CADPS: variants seen among roughly 807,000 people sequenced by gnomAD.
CADPS encodes calcium dependent secretion activator, also known as calcium-dependent secretion activator 1.
CADPS carries 57 observed loss-of-function variants against 167.3 expected under a neutral mutation model. The observed-to-expected ratio is 0.34, with a 90% confidence interval of 0.28 to 0.42. CADPS has a LOEUF of 0.42. Among genes scored for constraint, CADPS ranks in the 20% least tolerant of loss-of-function variants. The pLI is 1.00. For synonymous variants in CADPS, 676 were observed against 635.3 expected (o/e 1.06, Z -0.96); for missense variants, 1,414 against 1,738.1 (o/e 0.81, Z 3.32).
chr3:62,515,503 TAAC>T (rs1425005932), intron 16 of CADPS, among the ~76,000 whole-genome samples: 1 of 151,878 alleles, frequency 6.6e-6, no homozygotes, highest in Non-Finnish European at 1.5e-5. Context: ...AGGTCTGGAG[TAAC>T]AAGAATGAAT....
Position 62,512,849 on chromosome 3 carries a change from A to C in CADPS, c.2582-81T>G, listed in dbSNP as rs190630410. On this transcript the variant is annotated intron_variant, in intron 16 of 29. Transcript: ENST00000383710. ...TGCAGAATTAATGAGCAAGTGGACCAAAATGCCCCCCACTTATGTGTGATA... is the reference window on the plus strand; with the variant it reads ...TGCAGAATTAATGAGCAAGTGGACCCAAATGCCCCCCACTTATGTGTGATA... 1.1e-4 allele frequency: 133 copies of C among 1,190,516 alleles called. 1 individual carries two copies. In the East Asian group the frequency reaches 3.2e-3, roughly 29 times the overall value. 73.7% of individuals were successfully genotyped at this position (1,190,516 alleles called of 1,614,324 possible).
chr3:62,775,013 C>T (rs781720957), intron 1 of CADPS, among the ~76,000 whole-genome samples: 1 of 151,826 alleles, frequency 6.6e-6, no homozygotes, highest in African/African-American at 2.4e-5. Flanking sequence ...ATCTTTTACC[C>T]ATAAGTGTTT....
chr3:62,769,583 C>T (rs2087962332), intron 1 of CADPS, among the ~76,000 whole-genome samples: 1 of 152,144 alleles, frequency 6.6e-6, no homozygotes, highest in Non-Finnish European at 1.5e-5. Flanking sequence ...GAATGCCTGC[C>T]TCTGGGGACA....
At chr3:62,613,531 C>A (rs143043441) in intron 6 of CADPS, among the ~76,000 whole-genome samples, 2 of 152,246 alleles carry the variant, frequency 1.3e-5, no homozygotes, top group African/African-American at 4.8e-5. Flanking sequence ...TCAAGAGGGG[C>A]CACAGCACAT....
At position 62,706,124 on chromosome 3, in the gene CADPS, A is replaced by T. The variant is rs566594122; in HGVS notation, c.889-43730T>A. Among the ~76,000 whole-genome samples, 10 of 152,058 alleles carry T rather than the reference A, an allele frequency of 6.6e-5. No homozygotes were observed. The East Asian group carries it at 1.9e-3, about 30-fold the overall frequency. ...AGTGTGGCAGCTGCTTTTCCACTTT[A>T]GGGACTTTGGTAGGCATTCCTTTTG... On this transcript the variant is annotated intron_variant, in intron 3 of 29. Coordinates refer to ENST00000383710, the MANE Select transcript of CADPS (RefSeq NM_003716.4).
chr3:62,429,101 C>T (rs540506316), intron 28 of CADPS, among the ~76,000 whole-genome samples: 1 of 150,928 alleles, frequency 6.6e-6, no homozygotes, highest in African/African-American at 2.5e-5. Context: ...CAGACTGCAT[C>T]ACATAAATAT....
intron 3 of CADPS, among the ~76,000 whole-genome samples, chr3:62,731,818 A>AAAAAAG: frequency 1.1e-5 from 1 of 87,550 alleles, no homozygotes; most frequent in Non-Finnish European, 2.1e-5. Context: ...AAAAAAAAAA[A>AAAAAAG]AAAAAAAAAA....
chr3:62,501,193 T>C (rs1243380860), intron 17 of CADPS, among the ~76,000 whole-genome samples: 9 of 152,204 alleles, frequency 5.9e-5, no homozygotes, highest in African/African-American at 2.2e-4. Flanking sequence ...TGTGGGAGCT[T>C]AGGTGCTGAG....
chr3:62,508,603 G>C (rs928032156), intron 17 of CADPS, among the ~76,000 whole-genome samples: 2 of 152,158 alleles, frequency 1.3e-5, no homozygotes, highest in African/African-American at 4.8e-5. Flanking sequence ...TCTTATGTTT[G>C]ATAGCATGTC....
At chr3:62,611,902 A>G (rs1471220056) in intron 6 of CADPS, among the ~76,000 whole-genome samples, 1 of 151,922 alleles carries the variant, frequency 6.6e-6, no homozygotes, top group East Asian at 1.9e-4. Context: ...ACTTATTGCC[A>G]CCCGACATAT....
At position 62,611,917 on chromosome 3, in the gene CADPS, T is replaced by C. The variant is rs143680299; in HGVS notation, c.1326-19169A>G. Among the ~76,000 whole-genome samples, 545 of 152,332 alleles carry C rather than the reference T, an allele frequency of 3.6e-3. 7 individuals carry two copies. The highest frequency in any genetic ancestry group is 0.012 in the African/African-American group (514 of 41,578). On this transcript the variant is annotated intron_variant, in intron 6 of 29. Coordinates refer to ENST00000383710, the MANE Select transcript of CADPS (RefSeq NM_003716.4). ...ACTTATTGCCACCCGACATATGTTT[T>C]ATTTCTGTTTTTGTTTGCTTATTGC...
At chr3:62,702,098 G>A (rs756763423) in intron 3 of CADPS, among the ~76,000 whole-genome samples, 4 of 152,042 alleles carry the variant, frequency 2.6e-5, no homozygotes, top group Admixed American at 6.6e-5. Context: ...CCATATCCTC[G>A]CCTTTTCCCC....
At chr3:62,835,124 G>A (rs969741218) in intron 1 of CADPS, among the ~76,000 whole-genome samples, 3 of 152,260 alleles carry the variant, frequency 2.0e-5, no homozygotes, top group Admixed American at 2.0e-4. Context: ...TGAAGAAACT[G>A]TCCCAGTAAT....
chr3:62,819,189 T>C (rs554374333), intron 1 of CADPS, among the ~76,000 whole-genome samples: 1 of 152,292 alleles, frequency 6.6e-6, no homozygotes, highest in South Asian at 2.1e-4. Context: ...AAATTATTCT[T>C]CAATAAAGTA....
intron 9 of CADPS, among the ~76,000 whole-genome samples, chr3:62,563,393 A>C (rs1327021566): frequency 2.0e-5 from 3 of 152,124 alleles, no homozygotes; most frequent in Non-Finnish European, 4.4e-5. Context: ...ACAATATTTT[A>C]TCTTATTCTG....
chr3:62,523,829 C>T (rs2071348760), intron 13 of CADPS, among the ~76,000 whole-genome samples: 1 of 152,226 alleles, frequency 6.6e-6, no homozygotes, highest in Non-Finnish European at 1.5e-5. Context: ...TCCACATATG[C>T]TGGTGCAGGC....
At chr3:62,771,085 C>G (rs1196912647) in intron 1 of CADPS, among the ~76,000 whole-genome samples, 1 of 152,190 alleles carries the variant, frequency 6.6e-6, no homozygotes, top group African/African-American at 2.4e-5. Flanking sequence ...TTATCTATCT[C>G]TCTACAAGAA....
intron 6 of CADPS, among the ~76,000 whole-genome samples, chr3:62,636,556 C>CTG (rs2149823604): frequency 6.6e-6 from 1 of 152,332 alleles, no homozygotes; most frequent in African/African-American, 2.4e-5. Context: ...TGCCAAGATG[C>CTG]TGTGTCCTCC....
At chr3:62,714,055 C>T (rs576272896) in intron 3 of CADPS, among the ~76,000 whole-genome samples, 3 of 152,092 alleles carry the variant, frequency 2.0e-5, no homozygotes, top group Admixed American at 6.6e-5. Flanking sequence ...ATAGATGAGG[C>T]CATTGAGGCT....
Sources: gnomAD v4.1 joint callset for allele counts (sites outside exome capture counted in the v4.1 genomes callset) on GRCh38, gnomAD v4.1.1 for gene constraint, MANE v1.5 for transcripts, NCBI Gene and HGNC (gene_info 2026-07-23, HGNC 2026-07-21) for gene names.